RBFOX1: variants seen among roughly 807,000 people sequenced by gnomAD.
RBFOX1 encodes RNA binding fox-1 homolog 1.
RBFOX1 carries 8 observed loss-of-function variants against 57.7 expected under a neutral mutation model. That is an observed-to-expected ratio of 0.14 (90% CI 0.08 to 0.25). RBFOX1 has a LOEUF of 0.25. Among genes scored for constraint, RBFOX1 ranks in the 10% least tolerant of loss-of-function variants. The pLI is 1.00. For synonymous variants in RBFOX1, 326 were observed against 222.4 expected (o/e 1.47, Z -4.15); for missense variants, 611 against 548.5 (o/e 1.11, Z -1.14).
rs929046063 is a variant in RBFOX1 at position 7,131,084 on chromosome 16, C to A, written c.27+78986C>A. ...TTCTGGCCGGGCATGGTGGATCATG[C>A]CTGTAATCCCAGCATTTTGGGAAGC... is the stretch of plus-strand genomic sequence containing the variant. On this transcript the variant is annotated intron_variant, in intron 4 of 15. Coordinates refer to ENST00000550418, the MANE Select transcript of RBFOX1 (RefSeq NM_018723.4). 3.9e-5 allele frequency among the ~76,000 whole-genome samples: 6 copies of A among 152,218 alleles called. No individual in the cohort carries two copies. The East Asian group carries it at 1.2e-3, about 30-fold the overall frequency.
At chr16:6,923,602 G>C (rs927717666) in intron 3 of RBFOX1, among the ~76,000 whole-genome samples, 1 of 152,126 alleles carries the variant, frequency 6.6e-6, no homozygotes, top group East Asian at 1.9e-4. Flanking sequence ...GCAGAGAGCA[G>C]GGTGGAATGG....
At chr16:6,652,569 C>T (rs1356784039) in intron 2 of RBFOX1, among the ~76,000 whole-genome samples, 1 of 152,074 alleles carries the variant, frequency 6.6e-6, no homozygotes, top group Non-Finnish European at 1.5e-5. Flanking sequence ...AGGGACCTCA[C>T]CAGGAACCCT....
In RBFOX1 at chr16:7,654,171, A is replaced by G. The variant is rs12446930; in HGVS notation, c.890+224A>G. On this transcript the variant is annotated intron_variant, in intron 12 of 15. Coordinates refer to ENST00000550418, the MANE Select transcript of RBFOX1 (RefSeq NM_018723.4). ...CATGGTTGGTGCCTTTAAGCATTCT[A>G]CATGTCACATGTTGTTATGTAAATT... is the stretch of plus-strand genomic sequence containing the variant. Among the ~76,000 whole-genome samples, 11 of 152,322 alleles carry G rather than the reference A, an allele frequency of 7.2e-5. No individual in the cohort carries two copies. The South Asian group carries it at 2.3e-3, about 32-fold the overall frequency.
intron 4 of RBFOX1, among the ~76,000 whole-genome samples, chr16:5,974,844 A>G (rs1391504671): frequency 6.6e-6 from 1 of 151,910 alleles, no homozygotes; most frequent in Non-Finnish European, 1.5e-5. Context: ...CCCTGTCTCT[A>G]TTAAAAATAC....
intron 5 of RBFOX1, among the ~76,000 whole-genome samples, chr16:7,552,252 T>C (rs186660898): frequency 1.3e-5 from 2 of 152,336 alleles, no homozygotes; most frequent in Non-Finnish European, 2.9e-5. Flanking sequence ...TCAGGTATGC[T>C]TCTTTATTTC....
chr16:5,831,970 G>A lies in RBFOX1; in HGVS notation c.319-35333G>A, dbSNP rs143706034. 1.1e-3 allele frequency among the ~76,000 whole-genome samples: 171 copies of A among 152,286 alleles called. 1 individual carries two copies. The highest frequency in any genetic ancestry group is 3.9e-3 in the African/African-American group (164 of 41,558). On this transcript the variant is annotated intron_variant, in intron 3 of 19. Transcript: ENST00000641259. Reference sequence around the variant, plus strand: ...TTCAAAAAATGTCTATCGAGAGGTTGAAAAATGGGGCAGATGTTAGCACTT... The same window carrying A: ...TTCAAAAAATGTCTATCGAGAGGTTAAAAAATGGGGCAGATGTTAGCACTT...
At chr16:6,654,760 C>A in intron 3 of RBFOX1, 110 bp downstream of exon 3, 2 of 697,818 alleles carry the variant, frequency 2.9e-6, no homozygotes, top group South Asian at 2.5e-5. Context: ...AGGTGATTCA[C>A]GGTCTATGAC....
intron 2 of RBFOX1, among the ~76,000 whole-genome samples, chr16:5,491,513 C>A (rs2042827321): frequency 6.6e-6 from 1 of 152,208 alleles, no homozygotes. Flanking sequence ...TGTCCATCAA[C>A]AGGAGAATGG....
At chr16:5,644,382 G>A (rs927181705) in intron 3 of RBFOX1, among the ~76,000 whole-genome samples, 7 of 152,174 alleles carry the variant, frequency 4.6e-5, no homozygotes, top group African/African-American at 1.7e-4. Flanking sequence ...TGGCCATTGT[G>A]CAAAGGAAAT....
At chr16:6,750,484 TC>T (rs2074714002) in intron 3 of RBFOX1, among the ~76,000 whole-genome samples, 1 of 152,218 alleles carries the variant, frequency 6.6e-6, no homozygotes, top group African/African-American at 2.4e-5. Context: ...GTTTAATATT[TC>T]TTGACATATG....
chr16:6,867,630 G>T (rs929077632), intron 3 of RBFOX1, among the ~76,000 whole-genome samples: 4 of 152,048 alleles, frequency 2.6e-5, no homozygotes, highest in Admixed American at 1.3e-4. Flanking sequence ...CAGGCAGCAG[G>T]ATCGCTTGAA....
chr16:7,032,190 C>G (rs2042974585), intron 3 of RBFOX1, among the ~76,000 whole-genome samples: 1 of 152,002 alleles, frequency 6.6e-6, no homozygotes, highest in South Asian at 2.1e-4. Flanking sequence ...TTTGGGAGGC[C>G]AAGGCGGGCG....
intron 4 of RBFOX1, among the ~76,000 whole-genome samples, chr16:7,171,482 A>C (rs1342698484): frequency 6.6e-6 from 1 of 152,210 alleles, no homozygotes; most frequent in East Asian, 1.9e-4. Context: ...AGGATTATAG[A>C]AAGAGATTTC....
At chr16:5,889,251 G>T (rs945054253) in intron 4 of RBFOX1, among the ~76,000 whole-genome samples, 1 of 151,980 alleles carries the variant, frequency 6.6e-6, no homozygotes, top group African/African-American at 2.4e-5. Flanking sequence ...CACACTCTCC[G>T]GCAGTGTGTG....
intron 10 of RBFOX1, among the ~76,000 whole-genome samples, chr16:7,622,166 T>C (rs1311119656): frequency 1.3e-5 from 2 of 152,156 alleles, no homozygotes; most frequent in Non-Finnish European, 2.9e-5. Context: ...GTTAGAACCA[T>C]GGGTCCAGGA....
intron 2 of RBFOX1, among the ~76,000 whole-genome samples, chr16:6,499,046 C>G (rs17140359): frequency 0.11 from 17,252 of 152,078 alleles, 1,796 homozygotes; most frequent in East Asian, 0.43. Flanking sequence ...TAGTAATTAA[C>G]TTATGTCACC....
At chr16:6,225,583 A>C (rs1227575087) in intron 1 of RBFOX1, among the ~76,000 whole-genome samples, 1 of 152,182 alleles carries the variant, frequency 6.6e-6, no homozygotes, top group African/African-American at 2.4e-5. Context: ...AGGATAGTGA[A>C]ATTTACTTTA....
chr16:5,480,749 C>T lies in RBFOX1; in HGVS notation c.258+13495C>T, dbSNP rs147815483. ...TCCCTTTGTCTTGTATCTTGGAGCC[C>T]CTTCCAGATCAGCAGAAACAGTTCT... On this transcript the variant is annotated intron_variant, in intron 2 of 2. Transcript: ENST00000585867. Among the ~76,000 whole-genome samples the T allele has an allele frequency of 6.6e-5, 10 of 152,256 alleles. No individual in the cohort carries two copies. The East Asian group carries it at 1.7e-3, about 26-fold the overall frequency.
intron 2 of RBFOX1, among the ~76,000 whole-genome samples, chr16:6,601,943 C>A (rs189997086): frequency 2.0e-4 from 31 of 152,232 alleles, no homozygotes; most frequent in African/African-American, 6.7e-4. Context: ...GGGGTCAAAT[C>A]ATTAATTCAG....
Sources: allele counts gnomAD v4.1 joint callset (sites outside exome capture counted in the v4.1 genomes callset), GRCh38; gene constraint gnomAD v4.1.1; transcripts MANE v1.5; gene names NCBI Gene and HGNC (gene_info 2026-07-23, HGNC 2026-07-21).